HINFP: variants seen among roughly 807,000 people sequenced by gnomAD.
HINFP encodes histone H4 transcription factor, also known as MBD2 (methyl-CpG-binding protein)-interacting zinc finger protein.
HINFP carries 20 observed loss-of-function variants against 50.1 expected under a neutral mutation model. The ratio of observed to expected loss-of-function variants is 0.40; its 90% CI spans 0.28 to 0.58. The LOEUF is 0.58. Among genes scored for constraint, HINFP ranks in the 20% least tolerant of loss-of-function variants. The pLI, the probability that HINFP is intolerant of heterozygous loss-of-function variation, is 0.45. For missense variants in HINFP, 505 were observed against 664.1 expected (o/e 0.76, Z 2.63); for synonymous variants, 247 against 243.7 (o/e 1.01, Z -0.13).
At chr11:119,122,406 G>C (rs1947120327) in intron 1 of HINFP, among the ~76,000 whole-genome samples, 1 of 152,062 alleles carries the variant, frequency 6.6e-6, no homozygotes, top group South Asian at 2.1e-4. Flanking sequence ...TATGGTTTCT[G>C]CTCAGAAGCT....
intron 7 of HINFP, 40 bp downstream of exon 7, chr11:119,132,821 G>A: frequency 6.2e-7 from 1 of 1,613,930 alleles, no homozygotes; most frequent in Non-Finnish European, 8.5e-7. Flanking sequence ...TCATGTTCCA[G>A]TGTTCCCCAT....
chr11:119,130,751 G>C lies in HINFP; in HGVS notation c.208G>C (p.Glu70Gln). 3.7e-6 allele frequency: 6 copies of C among 1,614,186 alleles called. No homozygotes were observed. The highest frequency in any genetic ancestry group is 5.1e-6 in the Non-Finnish European group (6 of 1,180,030). Residue 70 changes from glutamate to glutamine, a missense_variant, in exon 3 of 10, where the codon GAA (glutamate) becomes CAA (glutamine). Physicochemically the swap from Glu to Gln is conservative, Grantham distance 29. Coordinates refer to ENST00000350777, the MANE Select transcript of HINFP (RefSeq NM_198971.3). ...GGAAGAATTCTCCTGCTTGTGGCAG[G>C]AATGTGGCTTTTGTTCTCTGGACAG... ...LEEEFSCLWQ[E>Q]CGFCSLDSSA...
chr11:119,126,134 C>T (rs1482984768), intron 1 of HINFP: 1 of 152,112 alleles, frequency 6.6e-6, no homozygotes, highest in African/African-American at 2.4e-5. Flanking sequence ...GGGTGGATCA[C>T]CTGAGGGCAG....
At chr11:119,128,336 A>G (rs1483480940) in intron 2 of HINFP, among the ~76,000 whole-genome samples, 2 of 150,934 alleles carry the variant, frequency 1.3e-5, no homozygotes, top group Non-Finnish European at 3.0e-5. Context: ...ATGGAGTCTC[A>G]TTCTTGTTGC....
chr11:119,125,685 A>G (rs1947354689), intron 1 of HINFP: 1 of 152,188 alleles, frequency 6.6e-6, no homozygotes, highest in African/African-American at 2.4e-5. Context: ...CTCAAGAAAA[A>G]AAATATTTAT....
Position 119,134,794 on chromosome 11 carries a change from T to C in HINFP, c.*296T>C. 3.4e-6 allele frequency: 1 copy of C among 297,110 alleles called. No individual in the cohort carries two copies. The highest frequency in any genetic ancestry group is 6.3e-6 in the Non-Finnish European group (1 of 158,110). The allele number at this position is 297,110 out of a possible 1,614,324, so 18.4% of individuals were successfully genotyped here. On this transcript the variant is annotated 3_prime_UTR_variant, in exon 10 of 10. Transcript: ENST00000350777. This position sits in a 1 kb window ranked among gnomAD's most constrained non-coding sequence, Gnocchi z 4.3. Reference sequence around the variant, plus strand: ...CTTAACCATAACCCTCAAGATCTGCTTGACAGTGATTAAATCCTTAGCTCA... The same window carrying C: ...CTTAACCATAACCCTCAAGATCTGCCTGACAGTGATTAAATCCTTAGCTCA...
chr11:119,132,730 G>A lies in HINFP; in HGVS notation c.824G>A (p.Arg275His), dbSNP rs146974311. ...CCTTCCTCCCTCCGCAACCACATGC[G>A]CTTTCGTCACAGTGAGGACCGGCCC... ...PLPSSLRNHM[R>H]FRHSEDRPFK... Residue 275 changes from arginine to histidine, a missense_variant, in exon 7 of 10, where the codon CGC (arginine) becomes CAC (histidine). Coordinates refer to ENST00000350777, the MANE Select transcript of HINFP (RefSeq NM_198971.3). 1 of 1,613,826 alleles carries A rather than the reference G, an allele frequency of 6.2e-7. No individual in the cohort carries two copies. The highest frequency in any genetic ancestry group is 1.3e-5 in the African/African-American group (1 of 75,014).
In HINFP at chr11:119,134,629, T is replaced by C; in HGVS notation, c.*131T>C. ...GTGCCGAGAGCAGTGTGGTCCACTC[T>C]GGCCTGGGTTTGCATCATTCTGCAG... On this transcript the variant is annotated 3_prime_UTR_variant, in exon 10 of 10. Transcript: ENST00000350777. The surrounding 1 kb of genome is among the most constrained non-coding windows in gnomAD (Gnocchi z 4.3). 1 of 663,540 alleles carries C rather than the reference T, an allele frequency of 1.5e-6. No homozygotes were observed. The highest frequency in any genetic ancestry group is 2.5e-6 in the Non-Finnish European group (1 of 402,016). 41.1% of individuals were successfully genotyped at this position (663,540 alleles called of 1,614,324 possible).
At chr11:119,129,334 C>T (rs616458) in intron 2 of HINFP, among the ~76,000 whole-genome samples, 4 of 151,818 alleles carry the variant, frequency 2.6e-5, no homozygotes, top group South Asian at 2.1e-4. Context: ...CCACTGCGCC[C>T]GACCAAAGCC....
In HINFP at chr11:119,130,970, C is replaced by T. The variant is rs1395259195; in HGVS notation, c.411+16C>T. The T allele has an allele frequency of 7.5e-6, 12 of 1,603,628 alleles. No homozygotes were observed. The highest frequency in any genetic ancestry group is 1.7e-4 in the Middle Eastern group (1 of 6,046). On this transcript the variant is annotated intron_variant, in intron 3 of 9. Transcript: ENST00000350777. ...GCACTGTGAGGTCAGCAGGCAGTGC[C>T]AGTAATTGGGGTGGAAGGAAGCTGG...
In HINFP at chr11:119,131,685, G is replaced by T; in HGVS notation, c.523+39G>T. 2.5e-6 allele frequency: 4 copies of T among 1,589,998 alleles called. No individual in the cohort carries two copies. Among genetic ancestry groups the T allele is most frequent in the Non-Finnish European group, 3.5e-6 (4 of 1,158,172 alleles). On this transcript the variant is annotated intron_variant, in intron 4 of 9. Coordinates refer to ENST00000350777, the MANE Select transcript of HINFP (RefSeq NM_198971.3). This position sits in a 1 kb window ranked among gnomAD's most constrained non-coding sequence, Gnocchi z 4.2. Reference sequence around the variant, plus strand: ...TTAACTTGTGGCTTCTGGAGGAAACGCTGGGGTTCCTGAAGAGCTGGGACA... The same window carrying T: ...TTAACTTGTGGCTTCTGGAGGAAACTCTGGGGTTCCTGAAGAGCTGGGACA...
chr11:119,131,715 G>A lies in HINFP; in HGVS notation c.523+69G>A. On this transcript the variant is annotated intron_variant, in intron 4 of 9. Coordinates refer to ENST00000350777, the MANE Select transcript of HINFP (RefSeq NM_198971.3). This position sits in a 1 kb window ranked among gnomAD's most constrained non-coding sequence, Gnocchi z 4.2. ...GGTTCCTGAAGAGCTGGGACAGAAAGGGATAGGGGTCCTACAGGGGCAAGG... is the reference window on the plus strand; with the variant it reads ...GGTTCCTGAAGAGCTGGGACAGAAAAGGATAGGGGTCCTACAGGGGCAAGG... 6.3e-7 allele frequency: 1 copy of A among 1,586,522 alleles called. No individual in the cohort carries two copies. Among genetic ancestry groups the A allele is most frequent in the Non-Finnish European group, 8.7e-7 (1 of 1,155,632 alleles).
In HINFP at chr11:119,134,521, C is replaced by A. The variant is rs1719138774; in HGVS notation, c.*23C>A. 2.6e-6 allele frequency: 4 copies of A among 1,539,622 alleles called. No homozygotes were observed. Among genetic ancestry groups the A allele is most frequent in the Non-Finnish European group, 3.5e-6 (4 of 1,139,882 alleles). On this transcript the variant is annotated 3_prime_UTR_variant, in exon 10 of 10. Transcript: ENST00000350777. The surrounding 1 kb of genome is among the most constrained non-coding windows in gnomAD (Gnocchi z 4.3). ...TGAAGGCCGCAGAGCCAGACCATTT[C>A]TTCCCCAGGTCCTGAAGTTTGAGCC...
rs967092478 is a variant in HINFP, at chr11:119,134,593, C to G, written c.*95C>G. 9 of 965,310 alleles carry G rather than the reference C, an allele frequency of 9.3e-6. No homozygotes were observed. Among genetic ancestry groups the G allele is most frequent in the Non-Finnish European group, 1.4e-5 (9 of 664,920 alleles). The allele number at this position is 965,310 out of a possible 1,614,324, so 59.8% of individuals were successfully genotyped here. A position where few individuals can be genotyped will look rare whatever the true frequency, so the allele number is the denominator to read the frequency against. On this transcript the variant is annotated 3_prime_UTR_variant, in exon 10 of 10. Coordinates refer to ENST00000350777, the MANE Select transcript of HINFP (RefSeq NM_198971.3). The surrounding 1 kb of genome is among the most constrained non-coding windows in gnomAD (Gnocchi z 4.3). ...GTGGGCAGCCGTTGCCAATGGATGC[C>G]TTTAGGAGTGGTGCCGAGAGCAGTG... is the stretch of plus-strand genomic sequence containing the variant.
Position 119,131,603 on chromosome 11 carries a change from A to C in HINFP, c.480A>C (p.Glu160Asp), listed in dbSNP as rs200989677. 1.2e-6 allele frequency: 2 copies of C among 1,614,200 alleles called. No individual in the cohort carries two copies. The highest frequency in any genetic ancestry group is 2.2e-5 in the South Asian group (2 of 91,088). ...VEAHSLCCEY[E>D]AVGKDNPVVL... is the part of the protein sequence containing the mutation. ...CACACAGTCTGTGCTGTGAATACGA[A>C]GCAGTCGGCAAGGACAACCCGGTGG... The change falls in exon 4 of 10, where the codon GAA becomes GAC. Residue 160 changes from glutamate (E) to aspartate (D), a missense_variant. By Grantham distance (45) the Glu-to-Asp change is conservative (BLOSUM62 2). Coordinates refer to ENST00000350777, the MANE Select transcript of HINFP (RefSeq NM_198971.3). This position sits in a 1 kb window ranked among gnomAD's most constrained non-coding sequence, Gnocchi z 4.2.
At chr11:119,126,007 A>C (rs931513577) in intron 1 of HINFP, 2 of 152,232 alleles carry the variant, frequency 1.3e-5, no homozygotes, top group Non-Finnish European at 2.9e-5. Flanking sequence ...GGCCGTGAGC[A>C]AGTCAGTTGA....
chr11:119,132,469 T>C, intron 5 of HINFP, 27 bp from the exon 6 acceptor site: 1 of 1,612,578 alleles, frequency 6.2e-7, no homozygotes, highest in Non-Finnish European at 8.5e-7. Flanking sequence ...CCTACAGCCC[T>C]CCTTTCTTCT....
rs769739800 is a variant in HINFP at position 119,127,087 on chromosome 11, G to GGGAGGA, written c.150_155dup (p.Glu55_Glu56dup). 2 of 1,613,420 alleles carry GGGAGGA rather than the reference G, an allele frequency of 1.2e-6. No individual in the cohort carries two copies. The highest frequency in any genetic ancestry group is 1.7e-6 in the Non-Finnish European group (2 of 1,179,882). ...CTGCAGCAGCACCTGCATGGCTCTG[G>GGGAGGA]GGAGGAGGAGGAAGAGGAAGAGGAG... On this transcript the variant is annotated inframe_insertion, in exon 2 of 10. Transcript: ENST00000350777.
Position 119,133,142 on chromosome 11 carries a change from C to T in HINFP, c.1062C>T (p.Phe354=). The change falls in exon 9 of 10, where the codon TTC becomes TTT. Residue 354 remains phenylalanine (F), a synonymous_variant. Transcript: ENST00000350777. ...RYKCHVCDKC[F]TRGNNLTVHL... ...AATGTCATGTGTGTGACAAATGCTT[C>T]ACACGGGGCAACAACCTCACCGTGC... 1 of 1,614,268 alleles carries T rather than the reference C, an allele frequency of 6.2e-7. No homozygotes were observed. Among genetic ancestry groups the T allele is most frequent in the Non-Finnish European group, 8.5e-7 (1 of 1,180,048 alleles).
Sources: allele counts gnomAD v4.1 joint callset (sites outside exome capture counted in the v4.1 genomes callset), GRCh38; gene constraint gnomAD v4.1.1; non-coding constraint Gnocchi (gnomAD v3.1); transcripts MANE v1.5; gene names NCBI Gene and HGNC (gene_info 2026-07-23, HGNC 2026-07-21).